The following MINDY2 variants were observed in gnomAD, a reference collection of about 807,000 sequenced individuals.
MINDY2 encodes MINDY lysine 48 deubiquitinase 2.
MINDY2 carries 52 observed loss-of-function variants against 68.2 expected under a neutral mutation model. The observed-to-expected ratio is 0.76, with a 90% CI of 0.61 to 0.96. MINDY2 has a LOEUF of 0.96. Among genes scored for constraint, MINDY2 ranks in the 40% least tolerant of loss-of-function variants. The pLI is 0.00. For missense variants in MINDY2, 881 were observed against 773.4 expected, an observed-to-expected ratio of 1.14 and a Z score of -1.65; for synonymous variants, 372 against 303.0, an observed-to-expected ratio of 1.23 and a Z score of -2.36.
chr15:58,843,056 A>G (rs539950130), intron 6 of MINDY2, among the ~76,000 whole-genome samples: 3 of 152,358 alleles, frequency 2.0e-5, no homozygotes, highest in Non-Finnish European at 4.4e-5. Flanking sequence ...TTAGAAATGT[A>G]TAAATTTTCA....
intron 7 of MINDY2, among the ~76,000 whole-genome samples, chr15:58,848,520 G>C (rs1330262051): frequency 6.6e-6 from 1 of 152,116 alleles, no homozygotes; most frequent in Non-Finnish European, 1.5e-5. Context: ...GAGGCGGGTA[G>C]ATCACAAGGT....
chr15:58,816,056 A>G (rs1266330933), intron 4 of MINDY2, among the ~76,000 whole-genome samples: 2 of 152,232 alleles, frequency 1.3e-5, no homozygotes, highest in African/African-American at 2.4e-5. Flanking sequence ...GACTCAGCAT[A>G]GTATTTAGAA....
At chr15:58,851,005 C>G (rs571030) in intron 7 of MINDY2, among the ~76,000 whole-genome samples, 150,986 of 152,186 alleles carry the variant, frequency 0.99, 74,914 homozygotes, top group Middle Eastern at 1. Flanking sequence ...ACTGAGTCTT[C>G]CTCTGTCGCC....
chr15:58,842,233 A>G (rs997775145), intron 6 of MINDY2, among the ~76,000 whole-genome samples: 3 of 151,886 alleles, frequency 2.0e-5, no homozygotes, highest in Non-Finnish European at 4.4e-5. Flanking sequence ...TTCAGTCCCA[A>G]CGTTTTTGAG....
chr15:58,795,018 A>G lies in MINDY2; in HGVS notation c.898+7055A>G, dbSNP rs911266263. 2.0e-5 allele frequency among the ~76,000 whole-genome samples: 3 copies of G among 151,902 alleles called. No individual in the cohort carries two copies. The East Asian group carries it at 5.8e-4, about 29-fold the overall frequency. ...GTGAAACCCCGTCTCTACTAAAAAT[A>G]CAAAAAAATTAGCCGGGCGTGGTGG... On this transcript the variant is annotated intron_variant, in intron 2 of 8. Coordinates refer to ENST00000559228, the MANE Select transcript of MINDY2 (RefSeq NM_001040450.3).
At chr15:58,850,539 G>A (rs1392789233) in intron 7 of MINDY2, among the ~76,000 whole-genome samples, 1 of 152,196 alleles carries the variant, frequency 6.6e-6, no homozygotes, top group East Asian at 1.9e-4. Context: ...CTATAGGCAT[G>A]TTTCTTTTGT....
chr15:58,831,107 CA>C (rs2031706115), intron 5 of MINDY2, among the ~76,000 whole-genome samples: 1 of 147,946 alleles, frequency 6.8e-6, no homozygotes, highest in Non-Finnish European at 1.5e-5. Context: ...TATTGTATTT[CA>C]AAAACAAAAG....
At chr15:58,796,924 T>C (rs1427594424) in intron 2 of MINDY2, among the ~76,000 whole-genome samples, 1 of 152,196 alleles carries the variant, frequency 6.6e-6, no homozygotes, top group Non-Finnish European at 1.5e-5. Context: ...CACCCTACTT[T>C]CCTTGTTCTC....
intron 5 of MINDY2, among the ~76,000 whole-genome samples, chr15:58,829,192 T>G (rs1235950866): frequency 2.0e-5 from 3 of 152,222 alleles, no homozygotes; most frequent in Non-Finnish European, 2.9e-5. Context: ...AAAGGCTAAT[T>G]AATTATAAAA....
chr15:58,854,654 C>CA lies in MINDY2; in HGVS notation c.*48dup, dbSNP rs761147403. 35 of 1,565,520 alleles carry CA rather than the reference C, an allele frequency of 2.2e-5. No homozygotes were observed. The highest frequency in any genetic ancestry group is 3.0e-5 in the Non-Finnish European group (35 of 1,163,972). ...GGAACCACCTATATGTCTTGAGAAA[C>CA]AAAACCACAGGAGGAAAGGAAGAAA... On this transcript the variant is annotated 3_prime_UTR_variant, in exon 9 of 9. Transcript: ENST00000559228.
rs146752527 is a variant in MINDY2 at position 58,818,450 on chromosome 15, C to G, written c.1123-3267C>G. ...TTTTTATTTTTTGTGAAGACAGGGC[C>G]TTGTTATGTTGCCTAGGATGGTCTC... On this transcript the variant is annotated intron_variant, in intron 4 of 8. Transcript: ENST00000559228. Among the ~76,000 whole-genome samples the G allele has an allele frequency of 2.0e-5, 3 of 151,910 alleles. No homozygotes were observed. The South Asian group carries it at 6.2e-4, about 32-fold the overall frequency.
At chr15:58,809,659 A>T (rs1267770947) in intron 3 of MINDY2, among the ~76,000 whole-genome samples, 2 of 152,150 alleles carry the variant, frequency 1.3e-5, no homozygotes, top group Admixed American at 6.6e-5. Context: ...CTTCATTTCT[A>T]TTACTCTCTA....
At chr15:58,816,275 T>C (rs533962981) in intron 4 of MINDY2, among the ~76,000 whole-genome samples, 2 of 152,350 alleles carry the variant, frequency 1.3e-5, no homozygotes, top group African/African-American at 4.8e-5. Context: ...CACTGAAAAG[T>C]CTCAACATGT....
Position 58,854,487 on chromosome 15 carries a change from C to T in MINDY2, c.1743C>T (p.Gly581=), listed in dbSNP as rs768419097. The change falls in exon 9 of 9, where the codon GGC becomes GGT. Residue 581 remains glycine (G), a synonymous_variant. Transcript: ENST00000559228. ...AAAASTQAQQ[G]QPAQASPSSG... is the part of the protein sequence containing the mutation. ...GCTGTATATTTTTCTTAAAGCAGGG[C>T]CAGCCAGCACAAGCCTCTCCATCAA... is the stretch of plus-strand genomic sequence containing the variant. 6.2e-7 allele frequency: 1 copy of T among 1,610,774 alleles called. No individual in the cohort carries two copies. The highest frequency in any genetic ancestry group is 8.5e-7 in the Non-Finnish European group (1 of 1,178,658).
chr15:58,802,634 T>C (rs1441053216), intron 3 of MINDY2, among the ~76,000 whole-genome samples: 1 of 152,186 alleles, frequency 6.6e-6, no homozygotes, highest in Non-Finnish European at 1.5e-5. Context: ...TTTTTCCTTT[T>C]TTTTCTCATT....
intron 6 of MINDY2, among the ~76,000 whole-genome samples, chr15:58,841,606 T>A (rs190446978): frequency 1.1e-4 from 16 of 152,142 alleles, no homozygotes; most frequent in Non-Finnish European, 5.9e-5. Flanking sequence ...AGTTTCACCA[T>A]GTTCGTCAGG....
At chr15:58,790,256 T>G (rs1456599449) in intron 2 of MINDY2, among the ~76,000 whole-genome samples, 3 of 151,832 alleles carry the variant, frequency 2.0e-5, no homozygotes, top group Admixed American at 6.6e-5. Flanking sequence ...TTATTTTAAG[T>G]TTTTTTTTCC....
chr15:58,796,023 T>C (rs1206362300), intron 2 of MINDY2: 2 of 450,984 alleles, frequency 4.4e-6, no homozygotes, highest in Non-Finnish European at 8.9e-6. Context: ...AGTGTGGTTA[T>C]TGTGACCTTC....
intron 2 of MINDY2, among the ~76,000 whole-genome samples, chr15:58,794,467 T>G (rs1323104122): frequency 2.6e-5 from 4 of 151,786 alleles, no homozygotes; most frequent in Non-Finnish European, 4.4e-5. Context: ...AAGAGACATC[T>G]CCATACATAT....
Sources: gnomAD v4.1 joint callset for allele counts (sites outside exome capture counted in the v4.1 genomes callset) on GRCh38, gnomAD v4.1.1 for gene constraint, MANE v1.5 for transcripts, NCBI Gene and HGNC (gene_info 2026-07-23, HGNC 2026-07-21) for gene names.